The following ZNF45 variants were observed in gnomAD, a reference collection of about 807,000 sequenced individuals.
ZNF45 encodes BRC1744.
ZNF45 carries 4 observed loss-of-function variants against 12.0 expected under a neutral mutation model. That is an observed-to-expected ratio of 0.33 (90% CI 0.16 to 0.76). ZNF45 has a LOEUF of 0.76. Among genes scored for constraint, ZNF45 ranks in the 30% least tolerant of loss-of-function variants. The pLI, the probability that ZNF45 is intolerant of heterozygous loss-of-function variation, is 0.60. For synonymous variants in ZNF45, 272 were observed against 279.6 expected (o/e 0.97, Z 0.27); for missense variants, 700 against 813.0 (o/e 0.86, Z 1.69).
At chr19:43,926,763 C>T (rs1452075343) in intron 3 of ZNF45, among the ~76,000 whole-genome samples, 1 of 152,170 alleles carries the variant, frequency 6.6e-6, no homozygotes, top group East Asian at 1.9e-4. Flanking sequence ...TGGAGGGTGA[C>T]TGAGCTCTAT....
rs1026420517 is a variant in ZNF45 at position 43,935,235 on chromosome 19, C to G, written c.-1067G>C. 1 of 152,292 alleles carries G rather than the reference C, an allele frequency of 6.6e-6. No individual in the cohort carries two copies. Among genetic ancestry groups the G allele is most frequent in the Non-Finnish European group, 1.5e-5 (1 of 68,094 alleles). The allele number at this position is 152,292 out of a possible 1,614,324, so 9.4% of individuals were successfully genotyped here. A position where few individuals can be genotyped will look rare whatever the true frequency, so the allele number is the denominator to read the frequency against. ...GGGTCCCAGGACTCACTCACTTCCA[C>G]GAGAGGAATGAAGGCCGCGCTCTCA... On this transcript the variant is annotated 5_prime_UTR_variant, in exon 1 of 10. Transcript: ENST00000269973.
rs1237708864 is a variant in ZNF45, at chr19:43,914,860, G to A, written c.576C>T (p.Tyr192=). Residue 192 remains tyrosine (Y), a synonymous_variant, in exon 10 of 10, where the codon TAC becomes TAT. Coordinates refer to ENST00000269973, the MANE Select transcript of ZNF45 (RefSeq NM_003425.4). ...AGGCATTATCACATTTTTCACATTT[G>A]TAGGGCTTCTCTCCTGCATGAGCCC... ...NQRAHAGEKP[Y]KCEKCDNAFR... is the part of the protein sequence containing the mutation. 5 of 1,612,784 alleles carry A rather than the reference G, an allele frequency of 3.1e-6. No homozygotes were observed. The highest frequency in any genetic ancestry group is 1.3e-5 in the African/African-American group (1 of 74,864).
At position 43,914,845 on chromosome 19, in the gene ZNF45, AC is replaced by A. The variant is rs1208841539; in HGVS notation, c.590del (p.Cys197LeufsTer71). The A allele has an allele frequency of 1.2e-5, 19 of 1,612,372 alleles. No homozygotes were observed. The highest frequency in any genetic ancestry group is 1.5e-5 in the Non-Finnish European group (18 of 1,178,576). ...TTGAAAACCGACGGAAGGCATTATC[AC>A]ATTTTTCACATTTGTAGGGCTTCTC... ...AGEKPYKCEK[C>X]DNAFRRFSSL... On this transcript the variant is annotated frameshift_variant, in exon 10 of 10. Transcript: ENST00000269973. LOFTEE classifies it low-confidence loss of function (END_TRUNC).
At chr19:43,919,748 G>A in intron 7 of ZNF45, 49 bp from the exon 8 acceptor site, 2 of 1,596,020 alleles carry the variant, frequency 1.3e-6, no homozygotes, top group East Asian at 2.3e-5. Flanking sequence ...AAGGTCCACT[G>A]GAAAAGGGAT....
At chr19:43,922,297 T>C in intron 6 of ZNF45, 80 bp from the exon 7 acceptor site, 2 of 895,012 alleles carry the variant, frequency 2.2e-6, no homozygotes, top group Non-Finnish European at 3.2e-6. Context: ...ATAGCTGTTT[T>C]TTTGTTTTGT....
In ZNF45 at chr19:43,915,273, C is replaced by G. The variant is rs1007132937; in HGVS notation, c.236-73G>C. On this transcript the variant is annotated intron_variant, in intron 9 of 9. Coordinates refer to ENST00000269973, the MANE Select transcript of ZNF45 (RefSeq NM_003425.4). Reference sequence around the variant, plus strand: ...TGTTCCAAGATGTCAAGTTTATAAACTCGGGCCCATAGCCTAAGGCTTCAT... The same window carrying G: ...TGTTCCAAGATGTCAAGTTTATAAAGTCGGGCCCATAGCCTAAGGCTTCAT... The G allele has an allele frequency of 4.2e-6, 6 of 1,412,616 alleles. No individual in the cohort carries two copies. The African/African-American group carries it at 8.5e-5, about 20-fold the overall frequency. 87.5% of individuals were successfully genotyped at this position (1,412,616 alleles called of 1,614,324 possible).
Position 43,913,538 on chromosome 19 carries a change from ACT to A in ZNF45, c.1896_1897del (p.Arg632SerfsTer11). 1 of 1,604,508 alleles carries A rather than the reference ACT, an allele frequency of 6.2e-7. No homozygotes were observed. Among genetic ancestry groups the A allele is most frequent in the Non-Finnish European group, 8.5e-7 (1 of 1,176,616 alleles). ...TTTGTATGGTTTTTCTCCGGTGTGA[ACT>A]CTTTGATGGGCTTGAAGGTATGAGC... On this transcript the variant is annotated frameshift_variant, in exon 10 of 10. Transcript: ENST00000269973. LOFTEE classifies it low-confidence loss of function (END_TRUNC).
rs1446717717 is a variant in ZNF45 at position 43,915,021 on chromosome 19, G to A, written c.415C>T (p.His139Tyr). 6.2e-7 allele frequency: 1 copy of A among 1,611,132 alleles called. No individual in the cohort carries two copies. Among genetic ancestry groups the A allele is most frequent in the Admixed American group, 1.7e-5 (1 of 59,354 alleles). ...GCQLEKRDDL[H>Y]YKDEGFSNQS... ...TTACTGAATCCCTCATCTTTATAGT[G>A]CAAATCATCTCGTTTTTCCAACTGG... The change falls in exon 10 of 10, where the codon CAC becomes TAC. Residue 139 changes from histidine to tyrosine, a missense_variant. Physicochemically the swap from His to Tyr is moderately conservative, Grantham distance 83. Coordinates refer to ENST00000269973, the MANE Select transcript of ZNF45 (RefSeq NM_003425.4).
At chr19:43,915,836 A>G (rs2146759245) in intron 9 of ZNF45, among the ~76,000 whole-genome samples, 2 of 152,256 alleles carry the variant, frequency 1.3e-5, no homozygotes, top group South Asian at 4.1e-4. Context: ...CCCTGGTGCC[A>G]AGATTGGGGA....
At chr19:43,927,668 G>A (rs1973797190) in intron 3 of ZNF45, among the ~76,000 whole-genome samples, 1 of 152,176 alleles carries the variant, frequency 6.6e-6, no homozygotes. Flanking sequence ...TATTTGAACA[G>A]AGACCTCAAA....
At chr19:43,918,361 A>G (rs952231590) in intron 9 of ZNF45, among the ~76,000 whole-genome samples, 3 of 152,196 alleles carry the variant, frequency 2.0e-5, no homozygotes, top group African/African-American at 7.2e-5. Context: ...TATGGTCTCA[A>G]TGTGTGTGCC....
intron 3 of ZNF45, chr19:43,931,229 G>A (rs1186427555): frequency 6.6e-6 from 1 of 152,102 alleles, no homozygotes; most frequent in African/African-American, 2.4e-5. Flanking sequence ...GGGAAGAAAA[G>A]AATACTTAAA....
chr19:43,931,519 G>A (rs981940444), intron 3 of ZNF45, among the ~76,000 whole-genome samples: 6 of 150,066 alleles, frequency 4.0e-5, no homozygotes, highest in Non-Finnish European at 8.9e-5. Flanking sequence ...GGGCAACAGA[G>A]TAAGACTCTG....
At chr19:43,925,716 G>C (rs937053960) in intron 3 of ZNF45, among the ~76,000 whole-genome samples, 6 of 152,116 alleles carry the variant, frequency 3.9e-5, no homozygotes, top group African/African-American at 1.2e-4. Flanking sequence ...CAGCCTTCCG[G>C]GTTCAAAAGA....
rs148424536 is a variant in ZNF45, at chr19:43,913,458, G to A, written c.1978C>T (p.Arg660Ter). 1.6e-5 allele frequency: 25 copies of A among 1,607,404 alleles called. No homozygotes were observed. The highest frequency in any genetic ancestry group is 2.2e-5 in the South Asian group (2 of 89,970). ...TCACCCTCATCATCAGCATGGACTCGCTGATGAATGATAAGACTTGAGCTC... is the reference window on the plus strand; with the variant it reads ...TCACCCTCATCATCAGCATGGACTCACTGATGAATGATAAGACTTGAGCTC... ...SWSSSLIIHQ[R>*]VHADDEGDKD... The change falls in exon 10 of 10, where the codon CGA becomes TGA. Residue 660 changes from arginine to a stop codon, truncating the protein, a stop_gained. Coordinates refer to ENST00000269973, the MANE Select transcript of ZNF45 (RefSeq NM_003425.4). LOFTEE classifies it low-confidence loss of function (END_TRUNC).
rs188574202 is a variant in ZNF45 at position 43,913,183 on chromosome 19, T to C, written c.*204A>G. Reference sequence around the variant, plus strand: ...GATTTACTCCAGATCAGACTCATCCTTCCTGATCCTCTTGTCTGCATGTAT... The same window carrying C: ...GATTTACTCCAGATCAGACTCATCCCTCCTGATCCTCTTGTCTGCATGTAT... On this transcript the variant is annotated 3_prime_UTR_variant, in exon 10 of 10. Transcript: ENST00000269973. The C allele has an allele frequency of 2.0e-6, 1 of 500,946 alleles. No homozygotes were observed. The highest frequency in any genetic ancestry group is 3.4e-6 in the Non-Finnish European group (1 of 291,442). 31.0% of individuals were successfully genotyped at this position (500,946 alleles called of 1,614,324 possible).
Position 43,925,443 on chromosome 19 carries a change from G to A in ZNF45, c.-384C>T, listed in dbSNP as rs1419405892. ...AAAAATGGAGTTCTTGTAGCTCTCA[G>A]GGTATGATTCTGATTCTATGGAGGG... On this transcript the variant is annotated 5_prime_UTR_variant, in exon 4 of 10. Transcript: ENST00000269973. The A allele has an allele frequency of 6.6e-6, 1 of 152,108 alleles. No individual in the cohort carries two copies. The highest frequency in any genetic ancestry group is 2.4e-5 in the African/African-American group (1 of 41,402). 9.4% of individuals were successfully genotyped at this position (152,108 alleles called of 1,614,324 possible). A position where few individuals can be genotyped will look rare whatever the true frequency, so the allele number is the denominator to read the frequency against.
At chr19:43,933,134 T>G (rs1181101095) in intron 2 of ZNF45, among the ~76,000 whole-genome samples, 1 of 152,196 alleles carries the variant, frequency 6.6e-6, no homozygotes, top group East Asian at 1.9e-4. Flanking sequence ...ATGGCAGCCC[T>G]GGCAAATGAA....
intron 7 of ZNF45, among the ~76,000 whole-genome samples, chr19:43,920,836 A>C (rs1973105770): frequency 6.6e-6 from 1 of 151,936 alleles, no homozygotes; most frequent in Non-Finnish European, 1.5e-5. Flanking sequence ...TCCTGACCTC[A>C]AGTTATCCAC....
Sources: allele counts gnomAD v4.1 joint callset (sites outside exome capture counted in the v4.1 genomes callset), GRCh38; gene constraint gnomAD v4.1.1; transcripts MANE v1.5; gene names NCBI Gene and HGNC (gene_info 2026-07-23, HGNC 2026-07-21).